TNS2: variants seen among roughly 807,000 people sequenced by gnomAD.
TNS2 encodes the protein tensin 2.
Under a neutral mutation model 155.7 loss-of-function variants are expected in TNS2, and 77 were observed. That is an observed-to-expected ratio of 0.49 (90% CI 0.41 to 0.60). The LOEUF is 0.60. Ranked by LOEUF, TNS2 falls within the 20% of genes least tolerant of loss-of-function variation. The pLI is 0.00. For synonymous variants in TNS2, 726 were observed against 763.9 expected, an observed-to-expected ratio of 0.95 and a Z score of 0.82; for missense variants, 1,703 against 1,868.8, an observed-to-expected ratio of 0.91 and a Z score of 1.64.
chr12:53,051,961 G>A lies in TNS2; in HGVS notation c.182G>A (p.Arg61Lys). ...VTIDGTGVSC[R>K]VCKVATHRKC... ...ATCGATGGGACAGGCGTTTCGTGCA[G>A]AGGTGAGGCTCTCTGTCCTGTGACT... Residue 61 changes from arginine to lysine, a missense_variant and splice_region_variant, in exon 2 of 29, where the codon AGA becomes AAA. Physicochemically the swap from Arg to Lys is conservative, Grantham distance 26. Coordinates refer to ENST00000314250, the MANE Select transcript of TNS2 (RefSeq NM_170754.4). The A allele has an allele frequency of 6.2e-7, 1 of 1,612,260 alleles. No homozygotes were observed. The highest frequency in any genetic ancestry group is 8.5e-7 in the Non-Finnish European group (1 of 1,179,036).
In TNS2 at chr12:53,063,486, G is replaced by GCCCCCC; in HGVS notation, c.4061+73_4062-72insCCCCCC. 1.2e-6 allele frequency: 2 copies of GCCCCCC among 1,603,306 alleles called. No individual in the cohort carries two copies. Among genetic ancestry groups the GCCCCCC allele is most frequent in the African/African-American group, 1.3e-5 (1 of 74,090 alleles). On this transcript the variant is annotated intron_variant, in intron 27 of 28. Transcript: ENST00000314250. The surrounding 1 kb of genome is among the most constrained non-coding windows in gnomAD (Gnocchi z 5.6). The stretch of plus-strand genomic sequence containing the variant: ...CACCAGGTCCCAGCTCCCAGCCCCA[G>GCCCCCC]CCCCAGCCCCGGCCCCGGCCCCCCT...
chr12:53,060,243 C>T lies in TNS2; in HGVS notation c.2602C>T (p.Pro868Ser), dbSNP rs1031107333. Residue 868 changes from proline (P) to serine (S), a missense_variant, in exon 18 of 29, where the codon CCT (proline) becomes TCT (serine). By Grantham distance (74) the Pro-to-Ser change is moderately conservative. Transcript: ENST00000314250. The surrounding 1 kb of genome is among the most constrained non-coding windows in gnomAD (Gnocchi z 6.1). ...GCCTGGGCACCTGGCCTCAGCAGGA[C>T]CTTTGGCATCTGCAGGTGAGGGGCA... The part of the protein sequence containing the change: ...PLPGHLASAG[P>S]LASAESLEPV... The T allele has an allele frequency of 1.3e-6, 2 of 1,543,258 alleles. No individual in the cohort carries two copies. Among genetic ancestry groups the T allele is most frequent in the Non-Finnish European group, 1.7e-6 (2 of 1,144,004 alleles).
At chr12:53,054,649 C>T (rs1477078716) in intron 7 of TNS2, among the ~76,000 whole-genome samples, 1 of 152,178 alleles carries the variant, frequency 6.6e-6, no homozygotes, top group Admixed American at 6.5e-5. Flanking sequence ...CTAGGCCGGG[C>T]CTTAGCTACC....
rs778289227 is a variant in TNS2 at position 53,063,334 on chromosome 12, CCCT to C, written c.3993-8_3993-6del. 1.8e-5 allele frequency: 29 copies of C among 1,613,892 alleles called. No individual in the cohort carries two copies. Among genetic ancestry groups the C allele is most frequent in the Admixed American group, 1.0e-4 (6 of 59,990 alleles). On this transcript the variant is annotated splice_polypyrimidine_tract_variant and intron_variant, in intron 26 of 28. Coordinates refer to ENST00000314250, the MANE Select transcript of TNS2 (RefSeq NM_170754.4). The surrounding 1 kb of genome is among the most constrained non-coding windows in gnomAD (Gnocchi z 5.6). ...ATGTTTCTGAGTGTGACCTTCCTCA[CCCT>C]CCTCCTTGCAGGCTCTTCTTTCGCC... is the stretch of plus-strand genomic sequence containing the variant.
At chr12:53,058,985 A>G in intron 17 of TNS2, 62 bp from the exon 18 acceptor site, 1 of 1,535,280 alleles carries the variant, frequency 6.5e-7, no homozygotes, top group Non-Finnish European at 8.8e-7. Flanking sequence ...CCTCTCATGA[A>G]TTTTCTCTCT....
intron 4 of TNS2, 61 bp downstream of exon 4, chr12:53,053,510 C>G: frequency 6.2e-7 from 1 of 1,603,422 alleles, no homozygotes; most frequent in Non-Finnish European, 8.5e-7. Context: ...GTCCAGAGGT[C>G]TGGTGGCTCC....
At position 53,061,923 on chromosome 12, in the gene TNS2, G is replaced by A; in HGVS notation, c.3557G>A (p.Ser1186Asn). The change falls in exon 22 of 29, where the codon AGT becomes AAT. Residue 1186 changes from serine (S) to asparagine (N), a missense_variant. Transcript: ENST00000314250. ...LALKVATPPP[S>N]AQPWKGDPVE... ...CTCAAGGTGGCCACACCGCCACCCA[G>A]TGCCCAGCCCTGGAAAGGTACAGAA... is the stretch of plus-strand genomic sequence containing the variant. 2 of 1,612,888 alleles carry A rather than the reference G, an allele frequency of 1.2e-6. No homozygotes were observed. The highest frequency in any genetic ancestry group is 1.1e-5 in the South Asian group (1 of 90,976).
chr12:53,056,077 CG>C (rs1944144341), intron 10 of TNS2: 1 of 480,692 alleles, frequency 2.1e-6, no homozygotes, highest in Non-Finnish European at 3.7e-6. Flanking sequence ...GGAAATGGGC[CG>C]GGTGCGTTGG....
At chr12:53,047,486 G>GGGCGCGA (rs1453246465), upstream of TNS2, among the ~76,000 whole-genome samples, 1 of 147,446 alleles carries the variant, frequency 6.8e-6, no homozygotes, top group Admixed American at 6.7e-5. Context: ...AGAGGGCGCG[G>GGGCGCGA]GGCGCGGGGC....
rs1376130803 is a variant in TNS2, at chr12:53,050,127, C to A, written c.-59C>A. On this transcript the variant is annotated 5_prime_UTR_variant, in exon 1 of 29. Coordinates refer to ENST00000314250, the MANE Select transcript of TNS2 (RefSeq NM_170754.4). This position sits in a 1 kb window ranked among gnomAD's most constrained non-coding sequence, Gnocchi z 4.7. ...CCGCCAGGCCGCTTCCAGGAAGCCCCGGGCCAGGCCCCAGCATTGTTCAGG... is the reference window on the plus strand; with the variant it reads ...CCGCCAGGCCGCTTCCAGGAAGCCCAGGGCCAGGCCCCAGCATTGTTCAGG... 3 of 1,582,606 alleles carry A rather than the reference C, an allele frequency of 1.9e-6. No homozygotes were observed. Among genetic ancestry groups the A allele is most frequent in the Admixed American group, 1.8e-5 (1 of 55,520 alleles).
At chr12:53,058,917 A>G in intron 17 of TNS2, 90 bp downstream of exon 17, 1 of 1,566,948 alleles carries the variant, frequency 6.4e-7, no homozygotes, top group Non-Finnish European at 8.7e-7. Flanking sequence ...CCTCCTCCCC[A>G]GGCAGAGCCC....
In TNS2 at chr12:53,058,197, C is replaced by T. The variant is rs1447271779; in HGVS notation, c.1095+95C>T. 23 of 1,606,162 alleles carry T rather than the reference C, an allele frequency of 1.4e-5. No homozygotes were observed. In the Admixed American group the frequency reaches 2.9e-4, roughly 20 times the overall value. On this transcript the variant is annotated intron_variant, in intron 14 of 28. Transcript: ENST00000314250. ...CACCAATTTGAGACAGATTGGAGAG[C>T]GAGTAGGGAGATCACCTTGAGATCG...
chr12:53,060,290 G>A lies in TNS2; in HGVS notation c.2617+32G>A, dbSNP rs1196846550. On this transcript the variant is annotated intron_variant, in intron 18 of 28. Transcript: ENST00000314250. The surrounding 1 kb of genome is among the most constrained non-coding windows in gnomAD (Gnocchi z 6.1). ...GGCACCAGAGTGCGGAGTGCCCAGG[G>A]CAGAGGAGGTTCTGGAAGATGGTGG... is the stretch of plus-strand genomic sequence containing the variant. 2.6e-6 allele frequency: 4 copies of A among 1,546,506 alleles called. No individual in the cohort carries two copies. Among genetic ancestry groups the A allele is most frequent in the Non-Finnish European group, 3.5e-6 (4 of 1,145,552 alleles).
intron 22 of TNS2, 96 bp downstream of exon 22, chr12:53,062,036 G>A (rs1374322431): frequency 5.0e-6 from 8 of 1,611,516 alleles, no homozygotes; most frequent in African/African-American, 4.0e-5. Flanking sequence ...TGCTGGCCAT[G>A]CCGCTGTAGA....
At chr12:53,051,071 G>A (rs759033865) in intron 1 of TNS2, among the ~76,000 whole-genome samples, 21 of 152,196 alleles carry the variant, frequency 1.4e-4, no homozygotes, top group Non-Finnish European at 2.2e-4. Context: ...CCATAAGGGG[G>A]CATCCCAGGC....
intron 3 of TNS2, chr12:53,053,098 A>G (rs1047167137): frequency 4.9e-6 from 2 of 409,042 alleles, no homozygotes; most frequent in Non-Finnish European, 9.2e-6. Flanking sequence ...CTCCCGGTGA[A>G]AGAAGCCAGT....
At position 53,052,437 on chromosome 12, in the gene TNS2, T is replaced by TG. The variant is rs768417685; in HGVS notation, c.185-18_185-17insG. On this transcript the variant is annotated splice_polypyrimidine_tract_variant and intron_variant, in intron 2 of 28. Transcript: ENST00000314250. ...CACAGGCCCCTGCTAACCCCTCTCC[T>TG]CCCCTTACCTTCCCTAGTCTGCAAG... 1 of 1,613,754 alleles carries TG rather than the reference T, an allele frequency of 6.2e-7. No individual in the cohort carries two copies. Among genetic ancestry groups the TG allele is most frequent in the South Asian group, 1.1e-5 (1 of 91,058 alleles).
Position 53,050,371 on chromosome 12 carries a change from C to T in TNS2, c.75+111C>T, listed in dbSNP as rs1378883734. 7.9e-7 allele frequency: 1 copy of T among 1,268,772 alleles called. No individual in the cohort carries two copies. The highest frequency in any genetic ancestry group is 1.1e-6 in the Non-Finnish European group (1 of 928,890). The allele number at this position is 1,268,772 out of a possible 1,614,324, so 78.6% of individuals were successfully genotyped here. ...TTCTTCCCAATTTCAGCTTCCTCAGCCTTCTTCCCTGGCCCAGCATCCCCT... is the reference window on the plus strand; with the variant it reads ...TTCTTCCCAATTTCAGCTTCCTCAGTCTTCTTCCCTGGCCCAGCATCCCCT... On this transcript the variant is annotated intron_variant, in intron 1 of 28. Coordinates refer to ENST00000314250, the MANE Select transcript of TNS2 (RefSeq NM_170754.4). The surrounding 1 kb of genome is among the most constrained non-coding windows in gnomAD (Gnocchi z 4.7).
chr12:53,063,404 C>T lies in TNS2; in HGVS notation c.4048C>T (p.Pro1350Ser). The stretch of plus-strand genomic sequence containing the variant: ...CAGCATCACCTTCTCCAGCACTGAC[C>T]CTCAAGACCGGAGGTGACTCTCCCT... ...VNSITFSSTD[P>S]QDRRWTNPDG... is the part of the protein sequence containing the mutation. Residue 1350 changes from proline to serine, a missense_variant, in exon 27 of 29, where the codon CCT (proline) becomes TCT (serine). By Grantham distance (74) the Pro-to-Ser change is moderately conservative. Coordinates refer to ENST00000314250, the MANE Select transcript of TNS2 (RefSeq NM_170754.4). This position sits in a 1 kb window ranked among gnomAD's most constrained non-coding sequence, Gnocchi z 5.6. The T allele has an allele frequency of 6.2e-7, 1 of 1,614,056 alleles. No individual in the cohort carries two copies. Among genetic ancestry groups the T allele is most frequent in the Non-Finnish European group, 8.5e-7 (1 of 1,180,004 alleles).
Sources: allele counts gnomAD v4.1 joint callset (sites outside exome capture counted in the v4.1 genomes callset), GRCh38; gene constraint gnomAD v4.1.1; non-coding constraint Gnocchi (gnomAD v3.1); transcripts MANE v1.5; gene names NCBI Gene and HGNC (gene_info 2026-07-23, HGNC 2026-07-21).